PCDHGB2: variants seen among roughly 807,000 people sequenced by gnomAD.
PCDHGB2 encodes protocadherin gamma subfamily B, 2, also known as protocadherin gamma-B2.
Under a neutral mutation model 59.3 loss-of-function variants are expected in PCDHGB2, and 55 were observed. The observed-to-expected ratio is 0.93, with a 90% CI of 0.75 to 1.16. The LOEUF is 1.16. PCDHGB2 is among the 50% of genes most tolerant of loss of function. The pLI is 0.00. For synonymous variants in PCDHGB2, 516 were observed against 512.0 expected (o/e 1.01, Z -0.11); for missense variants, 1,228 against 1,198.5 (o/e 1.02, Z -0.36).
chr5:141,497,497 C>T (rs1318882060), intron 2 of PCDHGB2, among the ~76,000 whole-genome samples: 1 of 151,714 alleles, frequency 6.6e-6, no homozygotes, highest in Non-Finnish European at 1.5e-5. Context: ...TCTCTCTCTC[C>T]TCTCTCTGCT....
chr5:141,498,848 G>A (rs930895553), intron 2 of PCDHGB2, among the ~76,000 whole-genome samples: 3 of 151,908 alleles, frequency 2.0e-5, no homozygotes, highest in Non-Finnish European at 4.4e-5. Context: ...CAGGGGAATC[G>A]CTTGAACCCA....
chr5:141,502,173 T>C (rs1377892969), intron 2 of PCDHGB2, among the ~76,000 whole-genome samples: 2 of 152,178 alleles, frequency 1.3e-5, no homozygotes, highest in African/African-American at 4.8e-5. Flanking sequence ...AGTTGAGGAA[T>C]TTAACATTAA....
At chr5:141,474,920 C>A (rs1363277892) in intron 1 of PCDHGB2, among the ~76,000 whole-genome samples, 2 of 152,232 alleles carry the variant, frequency 1.3e-5, no homozygotes, top group Admixed American at 6.5e-5. Context: ...TACATCTCAT[C>A]TCTGGCTTAT....
At chr5:141,500,450 C>A (rs2099800340) in intron 2 of PCDHGB2, among the ~76,000 whole-genome samples, 1 of 152,072 alleles carries the variant, frequency 6.6e-6, no homozygotes, top group Non-Finnish European at 1.5e-5. Flanking sequence ...ACCTCGTGAT[C>A]CGCCCGCCTC....
chr5:141,446,692 G>T (rs543476108), intron 1 of PCDHGB2, among the ~76,000 whole-genome samples: 2 of 152,280 alleles, frequency 1.3e-5, no homozygotes, highest in African/African-American at 4.8e-5. Context: ...TGGCCAGGCT[G>T]GTCTCGAACT....
chr5:141,417,791 C>G, intron 1 of PCDHGB2: 1 of 1,482,658 alleles, frequency 6.7e-7, no homozygotes, highest in Non-Finnish European at 9.0e-7. Context: ...GCCGAATGCT[C>G]TTTTAGCGCG....
At chr5:141,392,925 G>A (rs1230996735) in intron 1 of PCDHGB2, 22 of 1,613,946 alleles carry the variant, frequency 1.4e-5, no homozygotes, top group Non-Finnish European at 1.9e-5. Flanking sequence ...TGTGCCAGAA[G>A]AGACGGACAA....
intron 1 of PCDHGB2, chr5:141,370,647 C>T: frequency 6.2e-7 from 1 of 1,613,884 alleles, no homozygotes; most frequent in African/African-American, 1.3e-5. Flanking sequence ...TGGGAACTTA[C>T]TTGTGAGCGA....
At chr5:141,366,133 C>A (rs777240886) in intron 1 of PCDHGB2, 1 of 1,614,216 alleles carries the variant, frequency 6.2e-7, no homozygotes, top group East Asian at 2.2e-5. Flanking sequence ...CAGGCCAGAA[C>A]GCCTGGCTGT....
intron 1 of PCDHGB2, among the ~76,000 whole-genome samples, chr5:141,472,980 C>CA (rs60579131): frequency 0.042 from 3,623 of 85,966 alleles, 71 homozygotes; most frequent in South Asian, 0.079. Context: ...GAGTGAAACT[C>CA]AAAAAAAAAA....
At chr5:141,421,436 G>C (rs373015809) in intron 1 of PCDHGB2, 6 of 1,613,994 alleles carry the variant, frequency 3.7e-6, no homozygotes, top group African/African-American at 2.7e-5. Context: ...ATCGTCTCCA[G>C]AGGGAAGACA....
Position 141,360,441 on chromosome 5 carries a change from T to A in PCDHGB2, c.306T>A (p.Cys102Ter). Reference sequence around the variant, plus strand: ...AGATATGCGGGAAGCAGCCTCTGTGTGTTCTGGATTTCGATACTGTCGCTG... The same window carrying A: ...AGATATGCGGGAAGCAGCCTCTGTGAGTTCTGGATTTCGATACTGTCGCTG... ...REQICGKQPL[C>*]VLDFDTVAEN... Residue 102 changes from cysteine to a stop codon, truncating the protein, a stop_gained, in exon 1 of 4, where the codon TGT becomes TGA. Transcript: ENST00000522605. LOFTEE classifies it high-confidence loss of function. 1.2e-6 allele frequency: 2 copies of A among 1,613,992 alleles called. No individual in the cohort carries two copies. Among genetic ancestry groups the A allele is most frequent in the Non-Finnish European group, 1.7e-6 (2 of 1,179,894 alleles).
In PCDHGB2 at chr5:141,415,715, T is replaced by G. The variant is rs1051923200; in HGVS notation, c.2421+53159T>G. 4 of 1,428,132 alleles carry G rather than the reference T, an allele frequency of 2.8e-6. No individual in the cohort carries two copies. In the African/African-American group the frequency reaches 4.5e-5, roughly 16 times the overall value. The allele number at this position is 1,428,132 out of a possible 1,614,324, so 88.5% of individuals were successfully genotyped here. Reference sequence around the variant, plus strand: ...GAAAGTGTAAATGCTAAAACACTGATGAGTAGAATTTGATGTTTATTAAGG... The same window carrying G: ...GAAAGTGTAAATGCTAAAACACTGAGGAGTAGAATTTGATGTTTATTAAGG... On this transcript the variant is annotated intron_variant, in intron 1 of 3. Transcript: ENST00000522605.
chr5:141,387,736 A>C, intron 1 of PCDHGB2: 3 of 1,307,572 alleles, frequency 2.3e-6, no homozygotes, highest in East Asian at 2.5e-5. Flanking sequence ...GCCAGCCTTT[A>C]CACCGCTTCC....
chr5:141,490,565 T>C lies in PCDHGB2; in HGVS notation c.2422-4242T>C. ...CTACACAAACATCTCACCATCAGGC[T>C]CAACATTTCAGATGTCAATGACAAT... On this transcript the variant is annotated intron_variant, in intron 1 of 3. Coordinates refer to ENST00000522605, the MANE Select transcript of PCDHGB2 (RefSeq NM_018923.3). This position sits in a 1 kb window ranked among gnomAD's most constrained non-coding sequence, Gnocchi z 5.4. 8 of 1,614,116 alleles carry C rather than the reference T, an allele frequency of 5.0e-6. No individual in the cohort carries two copies. Among genetic ancestry groups the C allele is most frequent in the Non-Finnish European group, 6.8e-6 (8 of 1,180,024 alleles).
At chr5:141,370,704 C>T (rs1767132773) in intron 1 of PCDHGB2, 1 of 1,613,760 alleles carries the variant, frequency 6.2e-7, no homozygotes, top group African/African-American at 1.3e-5. Context: ...GACGTGTGTT[C>T]TGGAATTTGA....
chr5:141,379,850 ATTATTGTCTTATTCTTAT>A (rs1302175225), intron 1 of PCDHGB2, among the ~76,000 whole-genome samples: 1 of 133,230 alleles, frequency 7.5e-6, no homozygotes, highest in African/African-American at 2.8e-5. Flanking sequence ...AAACTACCAA[ATTATTGTCTTATTCTTAT>A]TTTATGGTCT....
intron 1 of PCDHGB2, among the ~76,000 whole-genome samples, chr5:141,457,729 T>A (rs950979422): frequency 2.0e-5 from 3 of 152,236 alleles, no homozygotes; most frequent in Non-Finnish European, 4.4e-5. Context: ...GAATTTCAGA[T>A]TAGACTTTTA....
chr5:141,486,150 G>T lies in PCDHGB2; in HGVS notation c.2422-8657G>T. The T allele has an allele frequency of 6.2e-7, 1 of 1,614,180 alleles. No individual in the cohort carries two copies. The highest frequency in any genetic ancestry group is 8.5e-7 in the Non-Finnish European group (1 of 1,180,030). On this transcript the variant is annotated intron_variant, in intron 1 of 3. Transcript: ENST00000522605. This position sits in a 1 kb window ranked among gnomAD's most constrained non-coding sequence, Gnocchi z 5.0. The stretch of plus-strand genomic sequence containing the variant: ...TTTGATGTGCGGGCTCGCGATGGGG[G>T]TTCTCCAGCCATGGAGCAACATTGC...
Sources: allele counts gnomAD v4.1 joint callset (sites outside exome capture counted in the v4.1 genomes callset), GRCh38; gene constraint gnomAD v4.1.1; non-coding constraint Gnocchi (gnomAD v3.1); transcripts MANE v1.5; gene names NCBI Gene and HGNC (gene_info 2026-07-23, HGNC 2026-07-21).